Variants in TAF4B observed in about 807,000 individuals in gnomAD.
TAF4B encodes the protein TATA-box binding protein associated factor 4b, also known as transcription initiation factor TFIID subunit 4B.
TAF4B carries 38 observed loss-of-function variants against 86.4 expected under a neutral mutation model. That is an observed-to-expected ratio of 0.44 (90% CI 0.34 to 0.58). The LOEUF (loss-of-function observed/expected upper bound fraction) is 0.58. Among genes scored for constraint, TAF4B ranks in the 20% least tolerant of loss-of-function variants. TAF4B has a pLI of 0.02. For missense variants in TAF4B, 988 were observed against 1,027.6 expected, an observed-to-expected ratio of 0.96 and a Z score of 0.53; for synonymous variants, 388 against 391.2, an observed-to-expected ratio of 0.99 and a Z score of 0.10.
At chr18:26,277,039 T>G (rs1404865498) in intron 5 of TAF4B, among the ~76,000 whole-genome samples, 1 of 152,162 alleles carries the variant, frequency 6.6e-6, no homozygotes, top group Non-Finnish European at 1.5e-5. Flanking sequence ...TTTTGTTTTT[T>G]GTGGGGTTAA....
At chr18:26,257,848 T>C (rs1280936186) in intron 1 of TAF4B, among the ~76,000 whole-genome samples, 13 of 57,466 alleles carry the variant, frequency 2.3e-4, no homozygotes, top group African/African-American at 1.1e-3. Flanking sequence ...CGTGCGTGTG[T>C]GTGTGTGTGT....
At chr18:26,335,273 G>A (rs562518992) in intron 13 of TAF4B, 42 bp downstream of exon 13, 11 of 1,570,246 alleles carry the variant, frequency 7.0e-6, no homozygotes, top group South Asian at 6.7e-5. Flanking sequence ...GTGTTTGAGG[G>A]AAGGTTGGCA....
At chr18:26,231,445 T>C in intron 1 of TAF4B, among the ~76,000 whole-genome samples, 1 of 148,546 alleles carries the variant, frequency 6.7e-6, no homozygotes. Context: ...CTCTGCCTCC[T>C]GGGTTCAAGC....
At chr18:26,309,891 C>G (rs1251954179) in intron 9 of TAF4B, among the ~76,000 whole-genome samples, 1 of 152,078 alleles carries the variant, frequency 6.6e-6, no homozygotes, top group Non-Finnish European at 1.5e-5. Context: ...TGCAGTGGCG[C>G]GATCTCAGTT....
At chr18:26,296,712 C>T (rs1263168795) in intron 9 of TAF4B, among the ~76,000 whole-genome samples, 1 of 152,172 alleles carries the variant, frequency 6.6e-6, no homozygotes, top group Non-Finnish European at 1.5e-5. Flanking sequence ...CCTTTGCACT[C>T]CTTACCAGCC....
intron 10 of TAF4B, among the ~76,000 whole-genome samples, chr18:26,319,820 C>T (rs1379486139): frequency 1.3e-5 from 2 of 152,138 alleles, no homozygotes; most frequent in Non-Finnish European, 2.9e-5. Flanking sequence ...GAACTCCTGA[C>T]ATCAGGTGAT....
chr18:26,241,835 G>A (rs1343444138), intron 1 of TAF4B, among the ~76,000 whole-genome samples: 7 of 152,066 alleles, frequency 4.6e-5, no homozygotes, highest in Non-Finnish European at 8.8e-5. Context: ...CCTTCATTTC[G>A]TTATGTATCC....
chr18:26,361,604 G>T (rs543426298), intron 14 of TAF4B, among the ~76,000 whole-genome samples: 1 of 151,832 alleles, frequency 6.6e-6, no homozygotes, highest in African/African-American at 2.4e-5. Flanking sequence ...AATTAGCTGG[G>T]CGTGGTGTCA....
At chr18:26,283,453 A>G (rs565794674) in intron 6 of TAF4B, among the ~76,000 whole-genome samples, 1 of 151,888 alleles carries the variant, frequency 6.6e-6, no homozygotes, top group East Asian at 1.9e-4. Flanking sequence ...TCTGAGCAGT[A>G]GTTCTCAACA....
At chr18:26,296,726 C>G (rs116615060) in intron 9 of TAF4B, among the ~76,000 whole-genome samples, 5,633 of 152,240 alleles carry the variant, frequency 0.037, 187 homozygotes, top group Admixed American at 0.11. Context: ...ACCAGCCAGT[C>G]CCCACATTAC....
chr18:26,292,354 A>C lies in TAF4B; in HGVS notation c.1699A>C (p.Ile567Leu). ...ACAGAAGACGATGCCAGTGAACACC[A>C]TAATACCTACTAGTCAGTTTCCTCC... ...CGQKTMPVNTIIPTSQFPPAS... is the reference protein window; with the variant it reads ...CGQKTMPVNTLIPTSQFPPAS... The change falls in exon 8 of 15, where the codon ATA (isoleucine) becomes CTA (leucine). Residue 567 changes from isoleucine (I) to leucine (L), a missense_variant. Ile to Leu is a conservative substitution (Grantham distance 5, BLOSUM62 2). Around this residue, in one of 3 missense-constraint regions of TAF4B, gnomAD observed 747 missense variants for 737.9 expected, o/e 1.01. Transcript: ENST00000269142. The C allele has an allele frequency of 6.2e-7, 1 of 1,614,104 alleles. No homozygotes were observed. Among genetic ancestry groups the C allele is most frequent in the South Asian group, 1.1e-5 (1 of 91,054 alleles).
intron 1 of TAF4B, among the ~76,000 whole-genome samples, chr18:26,237,445 C>T (rs984139762): frequency 1.3e-5 from 2 of 152,106 alleles, no homozygotes; most frequent in Middle Eastern, 3.2e-3. Flanking sequence ...GGCCAAATTT[C>T]CCTTCCCCTA....
intron 11 of TAF4B, among the ~76,000 whole-genome samples, chr18:26,323,369 TCTCA>T (rs1320293789): frequency 6.6e-6 from 1 of 152,038 alleles, no homozygotes; most frequent in Non-Finnish European, 1.5e-5. Context: ...AGAGACAGGG[TCTCA>T]CTCTGTCATC....
intron 9 of TAF4B, among the ~76,000 whole-genome samples, chr18:26,295,532 C>T (rs2144620007): frequency 6.6e-6 from 1 of 152,330 alleles, no homozygotes; most frequent in East Asian, 1.9e-4. Context: ...AATGCTACCA[C>T]TGATCTGACA....
At chr18:26,319,069 C>T (rs2144672415) in intron 10 of TAF4B, among the ~76,000 whole-genome samples, 1 of 152,190 alleles carries the variant, frequency 6.6e-6, no homozygotes, top group African/African-American at 2.4e-5. Flanking sequence ...TGGCTCATGC[C>T]TGTACTTCTA....
Position 26,286,012 on chromosome 18 carries a change from C to T in TAF4B, c.1103C>T (p.Thr368Ile). The change falls in exon 7 of 15, where the codon ACA becomes ATA. Residue 368 changes from threonine (T) to isoleucine (I), a missense_variant. Physicochemically the swap from Thr to Ile is moderately conservative, Grantham distance 89. Coordinates refer to ENST00000269142, the MANE Select transcript of TAF4B (RefSeq NM_005640.3). Reference protein sequence around the residue: ...TTTVTTSPVVTTTVSSSQSEK... With the variant: ...TTTVTTSPVVITTVSSSQSEK... ...ACAGTAACAACTTCTCCTGTGGTGACAACTACAGTGTCCTCAAGCCAGTCT... is the reference window on the plus strand; with the variant it reads ...ACAGTAACAACTTCTCCTGTGGTGATAACTACAGTGTCCTCAAGCCAGTCT... 6.2e-7 allele frequency: 1 copy of T among 1,614,192 alleles called. No individual in the cohort carries two copies. The highest frequency in any genetic ancestry group is 8.5e-7 in the Non-Finnish European group (1 of 1,180,036).
chr18:26,265,435 A>G, intron 2 of TAF4B, 120 bp downstream of exon 2: 1 of 1,195,680 alleles, frequency 8.4e-7, no homozygotes, highest in South Asian at 2.1e-5. Flanking sequence ...TCAGCTTTTT[A>G]GGTCAGCTTG....
At chr18:26,228,893 ATTC>A (rs2055620001) in intron 1 of TAF4B, among the ~76,000 whole-genome samples, 1 of 152,174 alleles carries the variant, frequency 6.6e-6, no homozygotes. Context: ...AATTATTTAT[ATTC>A]TTTTATTTGT....
At chr18:26,229,699 C>T (rs2055634480) in intron 1 of TAF4B, among the ~76,000 whole-genome samples, 1 of 151,950 alleles carries the variant, frequency 6.6e-6, no homozygotes, top group Non-Finnish European at 1.5e-5. Flanking sequence ...GATGGGGTTT[C>T]ACCATGTTGG....
Sources: allele counts gnomAD v4.1 joint callset (sites outside exome capture counted in the v4.1 genomes callset), GRCh38; gene constraint gnomAD v4.1.1; regional missense constraint gnomAD v4.1.1; transcripts MANE v1.5; gene names NCBI Gene and HGNC (gene_info 2026-07-23, HGNC 2026-07-21).